Variants in HECTD2 observed in about 807,000 individuals in gnomAD.
HECTD2 encodes the protein HECT domain E3 ubiquitin protein ligase 2, also known as probable E3 ubiquitin-protein ligase HECTD2.
In HECTD2, 35 loss-of-function variants were observed where a neutral mutation model predicts 103.2. The observed-to-expected ratio is 0.34, with a 90% CI of 0.26 to 0.45. The LOEUF (loss-of-function observed/expected upper bound fraction) is 0.45. HECTD2 is among the 20% of genes least tolerant of loss of function. The pLI, the probability that HECTD2 is intolerant of heterozygous loss-of-function variation, is 1.00. For synonymous variants in HECTD2, 281 were observed against 329.9 expected (o/e 0.85, Z 1.61); for missense variants, 596 against 937.4 (o/e 0.64, Z 4.76).
At chr10:91,434,622 GTTC>G (rs1844035207) in intron 2 of HECTD2, among the ~76,000 whole-genome samples, 1 of 137,582 alleles carries the variant, frequency 7.3e-6, no homozygotes, top group South Asian at 2.1e-4. Context: ...AATTTTTTTT[GTTC>G]TTCTTTTTTT....
chr10:91,426,154 A>T (rs1170402946), intron 2 of HECTD2, among the ~76,000 whole-genome samples: 1 of 152,078 alleles, frequency 6.6e-6, no homozygotes, highest in Non-Finnish European at 1.5e-5. Flanking sequence ...TTGAGCATAG[A>T]GGGGTGCTTA....
At chr10:91,419,567 T>C (rs1843267258) in intron 1 of HECTD2, among the ~76,000 whole-genome samples, 1 of 152,198 alleles carries the variant, frequency 6.6e-6, no homozygotes, top group Non-Finnish European at 1.5e-5. Flanking sequence ...ACTACGTTTT[T>C]CTGCTGTTTG....
intron 2 of HECTD2, among the ~76,000 whole-genome samples, chr10:91,444,880 C>A (rs769403074): frequency 2.6e-5 from 4 of 152,084 alleles, no homozygotes; most frequent in African/African-American, 9.7e-5. Flanking sequence ...GTTCATTCAG[C>A]GAACTTATGA....
intron 2 of HECTD2, among the ~76,000 whole-genome samples, chr10:91,452,298 T>C (rs574668826): frequency 1.3e-5 from 2 of 151,984 alleles, no homozygotes; most frequent in African/African-American, 4.8e-5. Context: ...CAAACCTCAT[T>C]CAGAAGAAAT....
chr10:91,420,052 G>A (rs1318460728), intron 1 of HECTD2, among the ~76,000 whole-genome samples: 1 of 151,726 alleles, frequency 6.6e-6, no homozygotes. Context: ...AATGATGCCC[G>A]TTTTTTTTCT....
intron 1 of HECTD2, among the ~76,000 whole-genome samples, chr10:91,410,896 CT>C (rs1842892810): frequency 2.0e-5 from 3 of 152,212 alleles, no homozygotes; most frequent in Admixed American, 2.0e-4. Flanking sequence ...TCGGCATGAT[CT>C]GTTGGATGAG....
At position 91,511,807 on chromosome 10, in the gene HECTD2, A is replaced by G. The variant is rs1847432950; in HGVS notation, c.2211-457A>G. ...TTCCTAACAGGCCACCAACAACCAT[A>G]CCCATCTCTGGCCCTGGGGTTGGGA... On this transcript the variant is annotated intron_variant, in intron 20 of 20. Transcript: ENST00000298068. Among the ~76,000 whole-genome samples the G allele has an allele frequency of 1.3e-5, 2 of 152,040 alleles. 1 individual carries two copies. The highest frequency in any genetic ancestry group is 2.9e-5 in the Non-Finnish European group (2 of 68,002).
At chr10:91,461,804 C>T (rs1845361418) in intron 4 of HECTD2, among the ~76,000 whole-genome samples, 2 of 152,150 alleles carry the variant, frequency 1.3e-5, no homozygotes, top group East Asian at 3.8e-4. Flanking sequence ...CCATGTCAGC[C>T]TCCCAAAGTT....
intron 2 of HECTD2, among the ~76,000 whole-genome samples, chr10:91,429,319 G>A (rs546512734): frequency 3.8e-4 from 58 of 152,246 alleles, no homozygotes; most frequent in African/African-American, 1.3e-3. Context: ...TGTTCATCAA[G>A]GATATTGGTC....
chr10:91,470,318 CA>C (rs1845679648), intron 5 of HECTD2, among the ~76,000 whole-genome samples: 1 of 152,214 alleles, frequency 6.6e-6, no homozygotes, highest in Admixed American at 6.5e-5. Flanking sequence ...AATCATAAAA[CA>C]ATTCTCAGCA....
intron 2 of HECTD2, among the ~76,000 whole-genome samples, chr10:91,450,125 A>C (rs931684659): frequency 2.6e-5 from 4 of 151,376 alleles, no homozygotes; most frequent in African/African-American, 9.7e-5. Context: ...CCTCACTTCA[A>C]ACTACAAGGC....
chr10:91,459,635 TC>T (rs1845258728), intron 2 of HECTD2, among the ~76,000 whole-genome samples: 1 of 152,074 alleles, frequency 6.6e-6, no homozygotes, highest in Non-Finnish European at 1.5e-5. Flanking sequence ...AAGTGCAGAA[TC>T]TAATAATGTA....
chr10:91,414,078 GAAATA>G (rs1843025750), intron 1 of HECTD2, among the ~76,000 whole-genome samples: 2 of 152,212 alleles, frequency 1.3e-5, no homozygotes, highest in Non-Finnish European at 2.9e-5. Context: ...AGGTGGGGCA[GAAATA>G]ACAGTGGCAG....
At chr10:91,486,487 A>C (rs992021475) in intron 10 of HECTD2, 47 of 152,280 alleles carry the variant, frequency 3.1e-4, no homozygotes, top group African/African-American at 8.4e-4. Flanking sequence ...ACCAAGAATG[A>C]GTTACATTAG....
rs574599156 is a variant in HECTD2 at position 91,489,417 on chromosome 10, A to G, written c.1191+1639A>G. The G allele has an allele frequency of 1.4e-4, 21 of 152,348 alleles. No individual in the cohort carries two copies. In the South Asian group the frequency reaches 4.1e-3, roughly 30 times the overall value. The allele number at this position is 152,348 out of a possible 1,614,324, so 9.4% of individuals were successfully genotyped here. A position where few individuals can be genotyped will look rare whatever the true frequency, so the allele number is the denominator to read the frequency against. On this transcript the variant is annotated intron_variant, in intron 11 of 20. Coordinates refer to ENST00000298068, the MANE Select transcript of HECTD2 (RefSeq NM_182765.6). Reference sequence around the variant, plus strand: ...AGAGCTTATATGGTACAATCTAAATATACAAAATTGGTTTCCTAACCTAAA... The same window carrying G: ...AGAGCTTATATGGTACAATCTAAATGTACAAAATTGGTTTCCTAACCTAAA...
intron 7 of HECTD2, among the ~76,000 whole-genome samples, chr10:91,481,894 A>G (rs948591536): frequency 2.0e-5 from 3 of 151,856 alleles, no homozygotes; most frequent in African/African-American, 7.2e-5. Context: ...TAATATCAAT[A>G]TGTCTAATGA....
At chr10:91,412,400 GA>G (rs1230678512) in intron 1 of HECTD2, among the ~76,000 whole-genome samples, 9 of 150,880 alleles carry the variant, frequency 6.0e-5, no homozygotes, top group Admixed American at 2.0e-4. Context: ...ATTAAACTTT[GA>G]AAAGGTATGA....
At chr10:91,497,040 A>G (rs1405209952) in intron 15 of HECTD2, among the ~76,000 whole-genome samples, 1 of 150,584 alleles carries the variant, frequency 6.6e-6, no homozygotes, top group South Asian at 2.1e-4. Context: ...GCTCACTGCA[A>G]CCTCCGCCTC....
At position 91,512,905 on chromosome 10, in the gene HECTD2, C is replaced by T. The variant is rs950341785; in HGVS notation, c.*521C>T. ...ATACTGGCTTGGGACCTATAAGATTCTTCTCAGCAGTTGCTGAAAAGCATG... is the reference window on the plus strand; with the variant it reads ...ATACTGGCTTGGGACCTATAAGATTTTTCTCAGCAGTTGCTGAAAAGCATG... On this transcript the variant is annotated 3_prime_UTR_variant, in exon 21 of 21. Transcript: ENST00000298068. The T allele has an allele frequency of 2.6e-5, 4 of 152,926 alleles. No homozygotes were observed. The highest frequency in any genetic ancestry group is 9.6e-5 in the African/African-American group (4 of 41,456). 9.5% of individuals were successfully genotyped at this position (152,926 alleles called of 1,614,324 possible).
Sources: allele counts gnomAD v4.1 joint callset (sites outside exome capture counted in the v4.1 genomes callset), GRCh38; gene constraint gnomAD v4.1.1; transcripts MANE v1.5; gene names NCBI Gene and HGNC (gene_info 2026-07-23, HGNC 2026-07-21).